Variants in GNG7 observed in about 807,000 individuals in gnomAD.
GNG7 encodes guanine nucleotide-binding protein G(I)/G(S)/G(O) subunit gamma-7.
In GNG7, 1 loss-of-function variant was observed where a neutral mutation model predicts 4.0. The ratio of observed to expected loss-of-function variants is 0.25; its 90% CI spans 0.09 to 1.18. GNG7 has a LOEUF of 1.18. Ranked by LOEUF, GNG7 falls within the 50% of genes most tolerant of loss-of-function variation. The probability of loss-of-function intolerance (pLI) is 0.50; values close to 1 mark genes in which losing one functional copy is unlikely to be tolerated. For missense variants in GNG7, 86 were observed against 91.9 expected, an observed-to-expected ratio of 0.94 and a Z score of 0.26; for synonymous variants, 34 against 36.9, an observed-to-expected ratio of 0.92 and a Z score of 0.29.
rs957147539 is a variant in GNG7, at chr19:2,518,181, G to A, written c.81+2427C>T. ...GAGGTTCTGTGGTTCTGGTCGCCGCGTTGGAGCTGGGGATGTAAAACCTCA... is the reference window on the plus strand; with the variant it reads ...GAGGTTCTGTGGTTCTGGTCGCCGCATTGGAGCTGGGGATGTAAAACCTCA... On this transcript the variant is annotated intron_variant, in intron 4 of 4. Transcript: ENST00000382159. Among the ~76,000 whole-genome samples, 3 of 152,160 alleles carry A rather than the reference G, an allele frequency of 2.0e-5. No homozygotes were observed. The South Asian group carries it at 6.2e-4, about 31-fold the overall frequency.
chr19:2,557,276 C>T lies in GNG7; in HGVS notation c.-77-2088G>A, dbSNP rs1209392176. Among the ~76,000 whole-genome samples, 1 of 150,396 alleles carries T rather than the reference C, an allele frequency of 6.6e-6. No individual in the cohort carries two copies. Among genetic ancestry groups the T allele is most frequent in the Non-Finnish European group, 1.5e-5 (1 of 67,848 alleles). On this transcript the variant is annotated intron_variant, in intron 2 of 4. Coordinates refer to ENST00000382159, the MANE Select transcript of GNG7 (RefSeq NM_052847.3). This position sits in a 1 kb window ranked among gnomAD's most constrained non-coding sequence, Gnocchi z 5.1. ...ACACGTGCACACACATTTGCACACACAGACACGTGCACACACAGAGGTGCA... is the reference window on the plus strand; with the variant it reads ...ACACGTGCACACACATTTGCACACATAGACACGTGCACACACAGAGGTGCA...
intron 1 of GNG7, among the ~76,000 whole-genome samples, chr19:2,684,790 ACCAGCC>A (rs1983830660): frequency 1.3e-5 from 2 of 151,904 alleles, no homozygotes; most frequent in African/African-American, 2.4e-5. Context: ...GGAGTTCACG[ACCAGCC>A]TGGCCAACAT....
At chr19:2,589,395 TAA>T (rs1555696130) in intron 2 of GNG7, among the ~76,000 whole-genome samples, 1 of 113,026 alleles carries the variant, frequency 8.8e-6, no homozygotes, top group Non-Finnish European at 2.0e-5. Context: ...TTTTTTTTTT[TAA>T]ATAGCAGAGA....
At chr19:2,555,415 G>C (rs1979513151) in intron 2 of GNG7, among the ~76,000 whole-genome samples, 1 of 152,122 alleles carries the variant, frequency 6.6e-6, no homozygotes, top group South Asian at 2.1e-4. Flanking sequence ...TCTCTTGCTG[G>C]ACAACAGGGC....
chr19:2,701,949 C>T lies in GNG7; in HGVS notation c.-135+697G>A, dbSNP rs116721806. On this transcript the variant is annotated intron_variant, in intron 1 of 4. Coordinates refer to ENST00000382159, the MANE Select transcript of GNG7 (RefSeq NM_052847.3). ...CTTGGACCTCCAATCCCACTCCAAG[C>T]CCCCTCGGCAGCTAACCTCGACCTG... is the stretch of plus-strand genomic sequence containing the variant. Among the ~76,000 whole-genome samples the T allele has an allele frequency of 6.4e-3, 928 of 145,868 alleles. 14 individuals are homozygous for T. The highest frequency in any genetic ancestry group is 0.023 in the African/African-American group (885 of 39,266).
intron 1 of GNG7, among the ~76,000 whole-genome samples, chr19:2,658,306 A>T (rs1413177261): frequency 6.6e-6 from 1 of 152,124 alleles, no homozygotes; most frequent in Non-Finnish European, 1.5e-5. Flanking sequence ...TAAGTATTTT[A>T]TGCTCTGTGA....
At chr19:2,529,261 G>A (rs772356993) in intron 3 of GNG7, among the ~76,000 whole-genome samples, 3 of 152,198 alleles carry the variant, frequency 2.0e-5, no homozygotes, top group Non-Finnish European at 4.4e-5. Context: ...CTGTCGCCCA[G>A]GCTGGAGTGC....
At chr19:2,696,720 C>T (rs780140408) in intron 1 of GNG7, among the ~76,000 whole-genome samples, 1 of 152,242 alleles carries the variant, frequency 6.6e-6, no homozygotes, top group Non-Finnish European at 1.5e-5. Context: ...CAAAAGGCCA[C>T]ACAGTGTGTG....
Position 2,575,756 on chromosome 19 carries a change from G to GGC in GNG7, c.-77-20569_-77-20568insGC, listed in dbSNP as rs1362274197. On this transcript the variant is annotated intron_variant, in intron 2 of 4. Transcript: ENST00000382159. ...GCACACGCACACGCAGGCACACGCA[G>GGC]ACACGCAGGCACACGCAGGCACATG... is the stretch of plus-strand genomic sequence containing the variant. 1.8e-4 allele frequency among the ~76,000 whole-genome samples: 15 copies of GGC among 84,222 alleles called. 1 individual carries two copies. Among genetic ancestry groups the GGC allele is most frequent in the African/African-American group, 8.9e-4 (12 of 13,544 alleles). 55.3% of individuals were successfully genotyped at this position (84,222 alleles called of 152,430 possible).
chr19:2,680,383 C>T (rs1480298151), intron 1 of GNG7, among the ~76,000 whole-genome samples: 2 of 151,932 alleles, frequency 1.3e-5, no homozygotes, highest in East Asian at 3.9e-4. Context: ...CTCCTGACCT[C>T]AGGTGATCCA....
Position 2,618,709 on chromosome 19 carries a change from T to C in GNG7, c.-78+27515A>G, listed in dbSNP as rs1568264561. ...GAGTAATTTTAGATTTACAGGAAAG[T>C]TGCAAAGAGAGAGTCCCCGCCCACG... On this transcript the variant is annotated intron_variant, in intron 2 of 4. Transcript: ENST00000382159. This position sits in a 1 kb window ranked among gnomAD's most constrained non-coding sequence, Gnocchi z 5.1. 1.3e-5 allele frequency among the ~76,000 whole-genome samples: 2 copies of C among 152,010 alleles called. No individual in the cohort carries two copies. Among genetic ancestry groups the C allele is most frequent in the Admixed American group, 6.6e-5 (1 of 15,234 alleles).
intron 1 of GNG7, among the ~76,000 whole-genome samples, chr19:2,655,969 G>C (rs1312349535): frequency 6.7e-6 from 1 of 148,328 alleles, no homozygotes; most frequent in Non-Finnish European, 1.5e-5. Context: ...AGGTTGCAGT[G>C]AGCCAGGATC....
intron 3 of GNG7, among the ~76,000 whole-genome samples, chr19:2,547,072 A>G (rs1470416644): frequency 6.9e-6 from 1 of 145,176 alleles, no homozygotes. Flanking sequence ...TTCTCCACGC[A>G]TGCCCCCCCC....
At chr19:2,560,581 C>T (rs946739759) in intron 2 of GNG7, among the ~76,000 whole-genome samples, 5 of 151,896 alleles carry the variant, frequency 3.3e-5, no homozygotes, top group East Asian at 1.9e-4. Flanking sequence ...GGTAGGCGGA[C>T]GCTGCGGTGC....
At chr19:2,691,147 C>A (rs956634450) in intron 1 of GNG7, among the ~76,000 whole-genome samples, 2 of 151,990 alleles carry the variant, frequency 1.3e-5, no homozygotes, top group Non-Finnish European at 2.9e-5. Flanking sequence ...TCTTACCGCT[C>A]GATTTTGCTG....
chr19:2,520,786 G>A, intron 3 of GNG7, 61 bp from the exon 4 acceptor site: 1 of 753,584 alleles, frequency 1.3e-6, no homozygotes, highest in Non-Finnish European at 2.3e-6. Flanking sequence ...GTGGCAGCAG[G>A]GGCGCCCGGC....
intron 3 of GNG7, among the ~76,000 whole-genome samples, chr19:2,528,428 A>G (rs1043563777): frequency 2.6e-5 from 4 of 151,558 alleles, no homozygotes; most frequent in Non-Finnish European, 4.4e-5. Flanking sequence ...AAAAAATACA[A>G]AAAAATTAGC....
intron 2 of GNG7, chr19:2,642,617 T>G (rs971856535): frequency 3.8e-5 from 14 of 365,180 alleles, no homozygotes; most frequent in Non-Finnish European, 7.0e-5. Flanking sequence ...CCTCCCCACT[T>G]CAGCCCCCCA....
rs998755706 is a variant in GNG7 at position 2,626,314 on chromosome 19, C to T, written c.-78+19910G>A. Among the ~76,000 whole-genome samples, 11 of 152,202 alleles carry T rather than the reference C, an allele frequency of 7.2e-5. No individual in the cohort carries two copies. Among genetic ancestry groups the T allele is most frequent in the African/African-American group, 2.7e-4 (11 of 41,452 alleles). On this transcript the variant is annotated intron_variant, in intron 2 of 4. Coordinates refer to ENST00000382159, the MANE Select transcript of GNG7 (RefSeq NM_052847.3). This position sits in a 1 kb window ranked among gnomAD's most constrained non-coding sequence, Gnocchi z 5.0. ...GAAACCCACCGGGATCTCTGCCACCCACAGGAGGCTGGGGCATCTCTCACC... is the reference window on the plus strand; with the variant it reads ...GAAACCCACCGGGATCTCTGCCACCTACAGGAGGCTGGGGCATCTCTCACC...
Sources: gnomAD v4.1 joint callset for allele counts (sites outside exome capture counted in the v4.1 genomes callset) on GRCh38, gnomAD v4.1.1 for gene constraint, Gnocchi (gnomAD v3.1) non-coding constraint, MANE v1.5 for transcripts, NCBI Gene and HGNC (gene_info 2026-07-23, HGNC 2026-07-21) for gene names.